The following ERC1 variants were observed in gnomAD, a reference collection of about 807,000 sequenced individuals.
The protein encoded by ERC1 is ELKS/RAB6-interacting/CAST family member 1.
Under a neutral mutation model 132.0 loss-of-function variants are expected in ERC1, and 56 were observed. That is an observed-to-expected ratio of 0.42 (90% CI 0.34 to 0.53). The LOEUF (loss-of-function observed/expected upper bound fraction) is 0.53, where lower values mean the gene tolerates loss of function less well. Ranked by LOEUF, ERC1 falls within the 20% of genes least tolerant of loss-of-function variation. The pLI, the probability that ERC1 is intolerant of heterozygous loss-of-function variation, is 0.03. For synonymous variants in ERC1, 478 were observed against 476.1 expected, an observed-to-expected ratio of 1.00 and a Z score of -0.05; for missense variants, 1,202 against 1,349.9, an observed-to-expected ratio of 0.89 and a Z score of 1.72.
At position 1,127,863 on chromosome 12, in the gene ERC1, G is replaced by A. The variant is rs112051144; in HGVS notation, c.1569+11830G>A. On this transcript the variant is annotated intron_variant, in intron 7 of 18. Coordinates refer to ENST00000360905, the MANE Select transcript of ERC1 (RefSeq NM_178040.4). ...GAATCAACGATAACACTTGGACAGC[G>A]GATAGACCTTGGTCCTAAGTGAGAT... is the stretch of plus-strand genomic sequence containing the variant. Among the ~76,000 whole-genome samples, 1,278 of 152,256 alleles carry A rather than the reference G, an allele frequency of 8.4e-3. 22 individuals carry two copies. Among genetic ancestry groups the A allele is most frequent in the African/African-American group, 0.027 (1,104 of 41,548 alleles).
At chr12:1,401,323 G>A (rs181894956) in intron 16 of ERC1, among the ~76,000 whole-genome samples, 5 of 152,266 alleles carry the variant, frequency 3.3e-5, no homozygotes, top group Admixed American at 3.3e-4. Flanking sequence ...AATAGTAGCA[G>A]TAGTCATAGT....
intron 10 of ERC1, among the ~76,000 whole-genome samples, chr12:1,182,930 A>G (rs1222416297): frequency 6.6e-6 from 1 of 152,166 alleles, no homozygotes. Flanking sequence ...GCCTCCCAAA[A>G]TGCTGGGTTT....
At chr12:1,438,972 A>ATATAT (rs1246217572) in intron 17 of ERC1, among the ~76,000 whole-genome samples, 9 of 143,982 alleles carry the variant, frequency 6.3e-5, no homozygotes, top group African/African-American at 1.7e-4. Context: ...TATATATATA[A>ATATAT]AAAATGACAT....
intron 7 of ERC1, among the ~76,000 whole-genome samples, chr12:1,138,188 T>C (rs1314932982): frequency 1.8e-5 from 2 of 112,964 alleles, no homozygotes; most frequent in East Asian, 2.2e-4. Flanking sequence ...ATATATATCA[T>C]ATATAATTAT....
At chr12:1,477,678 A>G (rs2094001594) in intron 18 of ERC1, among the ~76,000 whole-genome samples, 2 of 152,198 alleles carry the variant, frequency 1.3e-5, no homozygotes, top group African/African-American at 2.4e-5. Context: ...TCCTATGTAT[A>G]TAGCTGAATT....
chr12:1,454,676 C>T (rs1174854068), intron 18 of ERC1, among the ~76,000 whole-genome samples: 5 of 152,146 alleles, frequency 3.3e-5, no homozygotes. Context: ...CTTTGTATCT[C>T]TTCTCAGCTG....
At chr12:1,128,631 G>T (rs183215423) in intron 7 of ERC1, among the ~76,000 whole-genome samples, 1 of 152,232 alleles carries the variant, frequency 6.6e-6, no homozygotes, top group African/African-American at 2.4e-5. Flanking sequence ...TCTGTGAGAA[G>T]AATAATAGCC....
chr12:1,347,058 C>T (rs2084546676), intron 15 of ERC1, among the ~76,000 whole-genome samples: 3 of 151,842 alleles, frequency 2.0e-5, no homozygotes, highest in Admixed American at 2.0e-4. Flanking sequence ...AGAATTGTGA[C>T]AAGGTAATAA....
At chr12:1,407,294 A>T (rs1591833532) in intron 16 of ERC1, among the ~76,000 whole-genome samples, 2 of 147,092 alleles carry the variant, frequency 1.4e-5, no homozygotes, top group South Asian at 2.1e-4. Flanking sequence ...TATATATATG[A>T]GAGAGAGAGA....
intron 2 of ERC1, among the ~76,000 whole-genome samples, chr12:1,057,216 A>G (rs1973134553): frequency 6.6e-6 from 1 of 151,968 alleles, no homozygotes; most frequent in Admixed American, 6.6e-5. Flanking sequence ...CACCGCCTCC[A>G]GGGCTCAAGT....
intron 7 of ERC1, among the ~76,000 whole-genome samples, chr12:1,128,979 CTA>C (rs1046802627): frequency 6.6e-5 from 10 of 152,110 alleles, no homozygotes; most frequent in Admixed American, 4.6e-4. Flanking sequence ...AAAAAGAACT[CTA>C]TGTAAATTGA....
intron 14 of ERC1, among the ~76,000 whole-genome samples, chr12:1,283,867 C>CT (rs1188740363): frequency 6.6e-6 from 1 of 152,116 alleles, no homozygotes; most frequent in Non-Finnish European, 1.5e-5. Context: ...ATCTGGGTAA[C>CT]TGGGGTATCC....
chr12:1,264,831 A>T (rs1386770444), intron 14 of ERC1, among the ~76,000 whole-genome samples: 1 of 152,192 alleles, frequency 6.6e-6, no homozygotes, highest in Non-Finnish European at 1.5e-5. Flanking sequence ...CCCCTTGGTC[A>T]GACCAAGGTG....
intron 15 of ERC1, among the ~76,000 whole-genome samples, chr12:1,308,829 G>A (rs1262269021): frequency 6.6e-6 from 1 of 152,190 alleles, no homozygotes; most frequent in Admixed American, 6.5e-5. Flanking sequence ...GCTGCGGTCT[G>A]AATGGTTATG....
At chr12:1,128,830 G>C (rs1012961744) in intron 7 of ERC1, among the ~76,000 whole-genome samples, 1 of 152,144 alleles carries the variant, frequency 6.6e-6, no homozygotes, top group Non-Finnish European at 1.5e-5. Context: ...GAAATATATA[G>C]TAACTAAAAT....
intron 15 of ERC1, among the ~76,000 whole-genome samples, chr12:1,347,318 G>A (rs2084571303): frequency 6.6e-6 from 1 of 152,124 alleles, no homozygotes; most frequent in African/African-American, 2.4e-5. Flanking sequence ...ATATGGTACA[G>A]CAATTTATTT....
intron 17 of ERC1, 100 bp from the exon 18 acceptor site, chr12:1,444,462 T>G: frequency 1.2e-6 from 1 of 802,890 alleles, no homozygotes; most frequent in Non-Finnish European, 1.9e-6. Context: ...TGGTCAATTT[T>G]CTTTGACTTG....
chr12:1,295,585 C>A (rs1446744622), intron 15 of ERC1, among the ~76,000 whole-genome samples: 1 of 152,020 alleles, frequency 6.6e-6, no homozygotes, highest in Admixed American at 6.6e-5. Flanking sequence ...AGTTATCTAG[C>A]TGAGATAACA....
At chr12:1,199,634 C>T (rs1213486069) in intron 12 of ERC1, among the ~76,000 whole-genome samples, 4 of 151,794 alleles carry the variant, frequency 2.6e-5, no homozygotes, top group Admixed American at 6.6e-5. Context: ...AAAAATTAGC[C>T]GGGCATGGTG....
Sources: gnomAD v4.1 joint callset for allele counts (sites outside exome capture counted in the v4.1 genomes callset) on GRCh38, gnomAD v4.1.1 for gene constraint, MANE v1.5 for transcripts, NCBI Gene and HGNC (gene_info 2026-07-23, HGNC 2026-07-21) for gene names.